Variants in RALYL observed in about 807,000 individuals in gnomAD.
RALYL encodes the protein RNA-binding Raly-like protein.
Under a neutral mutation model 35.1 loss-of-function variants are expected in RALYL, and 29 were observed. The ratio of observed to expected loss-of-function variants is 0.83; its 90% CI spans 0.61 to 1.13. The LOEUF (loss-of-function observed/expected upper bound fraction) is 1.13, where lower values mean the gene tolerates loss of function less well. Ranked by LOEUF, RALYL falls within the 50% of genes most tolerant of loss-of-function variation. The pLI is 0.00. For missense variants in RALYL, 359 were observed against 360.4 expected (o/e 1.00, Z 0.03); for synonymous variants, 120 against 127.6 (o/e 0.94, Z 0.40).
intron 1 of RALYL, among the ~76,000 whole-genome samples, chr8:84,383,463 A>G (rs1858443246): frequency 6.6e-6 from 1 of 151,808 alleles, no homozygotes; most frequent in Middle Eastern, 3.4e-3. Context: ...TGGAGGGTAT[A>G]GGAGGCTCCA....
chr8:84,628,721 G>A (rs1487321646), intron 2 of RALYL, among the ~76,000 whole-genome samples: 7 of 152,010 alleles, frequency 4.6e-5, no homozygotes, highest in African/African-American at 1.4e-4. Flanking sequence ...TAAGAAGGGT[G>A]GATAGAGGGG....
intron 2 of RALYL, among the ~76,000 whole-genome samples, chr8:84,617,086 G>C (rs972799098): frequency 3.3e-5 from 5 of 150,326 alleles, no homozygotes; most frequent in Non-Finnish European, 7.4e-5. Context: ...CTCTTTTTTG[G>C]TTCCATATGA....
intron 2 of RALYL, among the ~76,000 whole-genome samples, chr8:84,596,984 A>G (rs186513498): frequency 1.3e-5 from 2 of 152,226 alleles, no homozygotes; most frequent in African/African-American, 4.8e-5. Flanking sequence ...AAAAAAAATG[A>G]TAGTTGATAG....
intron 2 of RALYL, among the ~76,000 whole-genome samples, chr8:84,740,855 G>T (rs1807130651): frequency 6.6e-6 from 1 of 151,980 alleles, no homozygotes; most frequent in South Asian, 2.1e-4. Context: ...GTGATGAAAA[G>T]TCCCTGGGAA....
intron 1 of RALYL, among the ~76,000 whole-genome samples, chr8:84,387,508 C>G (rs1859492755): frequency 6.6e-6 from 1 of 151,838 alleles, no homozygotes; most frequent in African/African-American, 2.4e-5. Context: ...TAATTCAGTC[C>G]TGACTCCTGC....
At chr8:84,342,939 TTC>T (rs1849133338) in intron 1 of RALYL, among the ~76,000 whole-genome samples, 4 of 152,198 alleles carry the variant, frequency 2.6e-5, no homozygotes, top group African/African-American at 7.2e-5. Flanking sequence ...ATGCCAATCT[TTC>T]CTATTTTTAA....
chr8:84,663,635 T>C (rs1831340329), intron 2 of RALYL, among the ~76,000 whole-genome samples: 1 of 152,180 alleles, frequency 6.6e-6, no homozygotes, highest in Admixed American at 6.5e-5. Context: ...GAAGTGTCTG[T>C]TCATGTCCTT....
At chr8:84,360,343 A>G (rs1362137475) in intron 1 of RALYL, among the ~76,000 whole-genome samples, 4 of 152,190 alleles carry the variant, frequency 2.6e-5, no homozygotes. Context: ...ATAAATGTGA[A>G]CATTTTGTAT....
chr8:84,661,923 T>C (rs1212325316), intron 2 of RALYL, among the ~76,000 whole-genome samples: 1 of 151,418 alleles, frequency 6.6e-6, no homozygotes, highest in Non-Finnish European at 1.5e-5. Context: ...TGCTTAGTCA[T>C]AGTCACATTT....
intron 6 of RALYL, among the ~76,000 whole-genome samples, chr8:84,872,180 G>T (rs546622875): frequency 6.6e-6 from 1 of 152,252 alleles, no homozygotes; most frequent in East Asian, 1.9e-4. Flanking sequence ...CTGTTCCATT[G>T]TAATGGCTTT....
chr8:84,255,680 G>C (rs549481341), intron 1 of RALYL, among the ~76,000 whole-genome samples: 1 of 151,888 alleles, frequency 6.6e-6, no homozygotes, highest in Non-Finnish European at 1.5e-5. Context: ...AAACATTGCC[G>C]CAGAATAAAC....
At chr8:84,314,897 A>G (rs1479441366) in intron 1 of RALYL, among the ~76,000 whole-genome samples, 1 of 152,246 alleles carries the variant, frequency 6.6e-6, no homozygotes, top group Non-Finnish European at 1.5e-5. Flanking sequence ...GATCTGACCA[A>G]ACTGTTCACA....
At chr8:84,860,544 G>A (rs1837900822) in intron 5 of RALYL, among the ~76,000 whole-genome samples, 1 of 152,176 alleles carries the variant, frequency 6.6e-6, no homozygotes, top group African/African-American at 2.4e-5. Context: ...TGAGGGGCAG[G>A]TCTAGCTGAC....
At chr8:84,907,848 A>G (rs932715828) in intron 8 of RALYL, among the ~76,000 whole-genome samples, 1 of 152,156 alleles carries the variant, frequency 6.6e-6, no homozygotes, top group African/African-American at 2.4e-5. Context: ...AATAAATATA[A>G]TGAAAGGACA....
intron 1 of RALYL, among the ~76,000 whole-genome samples, chr8:84,309,141 T>G (rs1842314412): frequency 1.3e-5 from 2 of 151,328 alleles, no homozygotes; most frequent in Admixed American, 1.3e-4. Context: ...TTATTATAAG[T>G]AAAAAACTTT....
chr8:84,493,092 GGT>G (rs1487211918), intron 1 of RALYL, among the ~76,000 whole-genome samples: 2 of 151,874 alleles, frequency 1.3e-5, no homozygotes, highest in Non-Finnish European at 2.9e-5. Context: ...TGACAGGTCT[GGT>G]ATGTGTTGTT....
At chr8:84,189,059 T>C (rs1159043622) in intron 1 of RALYL, among the ~76,000 whole-genome samples, 5 of 152,100 alleles carry the variant, frequency 3.3e-5, no homozygotes, top group African/African-American at 1.2e-4. Flanking sequence ...GTATTTAGGA[T>C]TTACATTTTC....
chr8:84,214,595 C>T (rs972507553), intron 1 of RALYL, among the ~76,000 whole-genome samples: 25 of 152,134 alleles, frequency 1.6e-4, no homozygotes, highest in African/African-American at 6.0e-4. Flanking sequence ...ATATCATTTA[C>T]TGTAATATCC....
chr8:84,218,594 T>A (rs1172256073), intron 1 of RALYL, among the ~76,000 whole-genome samples: 1 of 152,086 alleles, frequency 6.6e-6, no homozygotes, highest in Non-Finnish European at 1.5e-5. Flanking sequence ...TCCTTCATTC[T>A]GTACAGGTCA....
Sources: allele counts gnomAD v4.1 joint callset (sites outside exome capture counted in the v4.1 genomes callset), GRCh38; gene constraint gnomAD v4.1.1; transcripts MANE v1.5; gene names NCBI Gene and HGNC (gene_info 2026-07-23, HGNC 2026-07-21).